TEX36: variants seen among roughly 807,000 people sequenced by gnomAD.
The protein encoded by TEX36 is testis expressed 36.
TEX36 carries 12 observed loss-of-function variants against 13.6 expected under a neutral mutation model. The ratio of observed to expected loss-of-function variants is 0.88; its 90% CI spans 0.56 to 1.43. The LOEUF is 1.43. Among genes scored for constraint, TEX36 ranks in the 40% most tolerant of loss-of-function variants. TEX36 has a pLI of 0.00. For missense variants in TEX36, 224 were observed against 228.3 expected, an observed-to-expected ratio of 0.98 and a Z score of 0.12; for synonymous variants, 93 against 83.0, an observed-to-expected ratio of 1.12 and a Z score of -0.65.
intron 3 of TEX36, among the ~76,000 whole-genome samples, chr10:125,598,934 G>A (rs1846111641): frequency 6.6e-6 from 1 of 152,106 alleles, no homozygotes; most frequent in Non-Finnish European, 1.5e-5. Context: ...TCAGCTAAAT[G>A]TGAAGTTGAC....
chr10:125,648,126 T>G (rs971546058), intron 3 of TEX36, among the ~76,000 whole-genome samples: 2 of 152,198 alleles, frequency 1.3e-5, no homozygotes, highest in Non-Finnish European at 2.9e-5. Flanking sequence ...GACTTAAATG[T>G]CCCTGTCTGA....
chr10:125,599,127 T>C (rs976058919), intron 3 of TEX36, among the ~76,000 whole-genome samples: 6 of 152,336 alleles, frequency 3.9e-5, no homozygotes, highest in African/African-American at 1.4e-4. Context: ...AAAACTTTTT[T>C]TATTATAAAA....
At chr10:125,629,804 A>AT (rs900045688) in intron 3 of TEX36, among the ~76,000 whole-genome samples, 4 of 151,730 alleles carry the variant, frequency 2.6e-5, no homozygotes, top group Admixed American at 6.6e-5. Flanking sequence ...TCATCAGTGA[A>AT]TTTTTTTTTA....
chr10:125,674,964 G>A (rs1251102258), intron 1 of TEX36, among the ~76,000 whole-genome samples: 1 of 152,258 alleles, frequency 6.6e-6, no homozygotes, highest in Non-Finnish European at 1.5e-5. Context: ...CATTGAGCTG[G>A]GGGAATCTCC....
chr10:125,632,394 A>G (rs1846567636), intron 3 of TEX36, among the ~76,000 whole-genome samples: 1 of 152,130 alleles, frequency 6.6e-6, no homozygotes, highest in Non-Finnish European at 1.5e-5. Flanking sequence ...CTAAGGGAAG[A>G]GACTCTCCTT....
At chr10:125,577,014 T>A in intron 3 of TEX36, 2 of 1,142,712 alleles carry the variant, frequency 1.8e-6, no homozygotes, top group Non-Finnish European at 2.5e-6. Context: ...TAGTGAGACT[T>A]AGCCTGAGCC....
At chr10:125,593,704 A>C (rs1846048946) in intron 3 of TEX36, among the ~76,000 whole-genome samples, 1 of 152,214 alleles carries the variant, frequency 6.6e-6, no homozygotes, top group African/African-American at 2.4e-5. Context: ...TCCACTACAA[A>C]TAGGCAAATT....
chr10:125,607,550 T>G (rs1291196000), intron 3 of TEX36, among the ~76,000 whole-genome samples: 2 of 152,168 alleles, frequency 1.3e-5, no homozygotes, highest in Admixed American at 1.3e-4. Context: ...ACATGGGGAT[T>G]CATTCAGGTG....
In TEX36 at chr10:125,587,802, A is replaced by G. The variant is rs112672949; in HGVS notation, c.265-10928T>C. Among the ~76,000 whole-genome samples, 304 of 151,708 alleles carry G rather than the reference A, an allele frequency of 2.0e-3. 1 individual carries two copies. Among genetic ancestry groups the G allele is most frequent in the African/African-American group, 7.0e-3 (289 of 41,432 alleles). ...TCTCAAAATTAAAAAAAAAAAAAAA[A>G]AAAAAAGACACTTTATACACATGAA... On this transcript the variant is annotated intron_variant, in intron 3 of 3. Transcript: ENST00000532135.
chr10:125,680,228 G>A (rs1483459625), intron 1 of TEX36, among the ~76,000 whole-genome samples: 2 of 152,058 alleles, frequency 1.3e-5, no homozygotes, highest in Non-Finnish European at 2.9e-5. Flanking sequence ...TTCCCTCTCG[G>A]AAGTTGTGGA....
At chr10:125,592,213 A>C (rs539736874) in intron 3 of TEX36, among the ~76,000 whole-genome samples, 1 of 151,884 alleles carries the variant, frequency 6.6e-6, no homozygotes, top group Non-Finnish European at 1.5e-5. Flanking sequence ...CTGGGAGAAA[A>C]CCTTCGGTAA....
intron 3 of TEX36, among the ~76,000 whole-genome samples, chr10:125,628,088 T>C (rs1278261869): frequency 1.3e-5 from 2 of 152,210 alleles, no homozygotes; most frequent in African/African-American, 4.8e-5. Context: ...ATAAAATGTA[T>C]TTGAGACCAT....
chr10:125,623,358 C>G (rs1268362871), intron 3 of TEX36, among the ~76,000 whole-genome samples: 1 of 152,168 alleles, frequency 6.6e-6, no homozygotes, highest in Non-Finnish European at 1.5e-5. Flanking sequence ...TGTCAATCTC[C>G]TCTGGCAACA....
intron 3 of TEX36, among the ~76,000 whole-genome samples, chr10:125,621,811 T>A (rs376189766): frequency 6.6e-6 from 1 of 151,960 alleles, no homozygotes; most frequent in African/African-American, 2.4e-5. Context: ...GAGTATGATG[T>A]CCAAGGACAG....
rs936534966 is a variant in TEX36 at position 125,644,886 on chromosome 10, A to C, written c.264+16135T>G. Among the ~76,000 whole-genome samples, 4 of 152,220 alleles carry C rather than the reference A, an allele frequency of 2.6e-5. No homozygotes were observed. In the South Asian group the frequency reaches 8.3e-4, roughly 31 times the overall value. ...ACTCTTTCTGGTGAAAGAGATTGCA[A>C]AACTTGAGAGAGGCATTCCACTCAA... On this transcript the variant is annotated intron_variant, in intron 3 of 3. Coordinates refer to the TEX36 transcript ENST00000526819.
intron 3 of TEX36, among the ~76,000 whole-genome samples, chr10:125,615,640 A>T (rs1381803589): frequency 6.6e-6 from 1 of 150,502 alleles, no homozygotes; most frequent in African/African-American, 2.5e-5. Context: ...AGCCCACTTG[A>T]TCATGGTGGA....
intron 1 of TEX36, chr10:125,666,957 G>T (rs1296924027): frequency 2.2e-6 from 2 of 899,934 alleles, no homozygotes; most frequent in East Asian, 2.7e-5. Flanking sequence ...TCCTTGACAG[G>T]CCAGGCTGTT....
intron 3 of TEX36, among the ~76,000 whole-genome samples, chr10:125,602,346 G>A (rs1426091024): frequency 2.6e-5 from 4 of 152,130 alleles, no homozygotes; most frequent in African/African-American, 9.7e-5. Flanking sequence ...ATGGGAAAGC[G>A]CTTTTCATCT....
intron 3 of TEX36, among the ~76,000 whole-genome samples, chr10:125,648,612 G>A (rs749253225): frequency 4.6e-5 from 7 of 152,200 alleles, no homozygotes; most frequent in East Asian, 1.9e-4. Flanking sequence ...CCAAAGGAAC[G>A]CAGCTCCTCG....
Sources: allele counts gnomAD v4.1 joint callset (sites outside exome capture counted in the v4.1 genomes callset), GRCh38; gene constraint gnomAD v4.1.1; transcripts MANE v1.5; gene names NCBI Gene and HGNC (gene_info 2026-07-23, HGNC 2026-07-21).